The following ZNF722 variants were observed in gnomAD, a reference collection of about 807,000 sequenced individuals.
ZNF722 encodes zinc finger protein 722, also known as zinc finger protein 479 pseudogene.
the ZNF722 span, among the ~76,000 whole-genome samples, chr7:64,013,356 T>G: frequency 6.6e-6 from 1 of 152,104 alleles, no homozygotes; most frequent in African/African-American, 2.4e-5. Flanking sequence ...AGTTATAGAT[T>G]CCTAGTAAAT....
chr7:63,999,241 C>T, the ZNF722 span, among the ~76,000 whole-genome samples: 1 of 152,164 alleles, frequency 6.6e-6, no homozygotes, highest in Middle Eastern at 3.2e-3. Context: ...CTGGAGGCCT[C>T]TCTGGGCAGC....
chr7:64,009,571 C>G, the ZNF722 span, among the ~76,000 whole-genome samples: 2 of 152,144 alleles, frequency 1.3e-5, no homozygotes, highest in African/African-American at 4.8e-5. Flanking sequence ...TTGAACCAGC[C>G]TTGCATCCCA....
the ZNF722 span, among the ~76,000 whole-genome samples, chr7:64,008,485 A>G: frequency 6.6e-6 from 1 of 152,170 alleles, no homozygotes; most frequent in Non-Finnish European, 1.5e-5. Flanking sequence ...TCCCAGCACC[A>G]TTTATTGAAT....
the ZNF722 span, chr7:64,006,076 T>C: frequency 1.9e-6 from 1 of 528,426 alleles, no homozygotes; most frequent in South Asian, 4.6e-5. Flanking sequence ...AAATTTAAAA[T>C]ATTTTCTAAA....
chr7:64,016,674 A>G, the ZNF722 span, among the ~76,000 whole-genome samples: 2 of 152,160 alleles, frequency 1.3e-5, no homozygotes, highest in East Asian at 3.9e-4. Context: ...TTGATATTGG[A>G]GAGAACCCCT....
At chr7:64,010,697 G>A in the ZNF722 span, among the ~76,000 whole-genome samples, 2 of 152,154 alleles carry the variant, frequency 1.3e-5, no homozygotes, top group Admixed American at 1.3e-4. Context: ...GTGTGATGTG[G>A]TACTGAGAAG....
chr7:64,016,857 T>G, the ZNF722 span, among the ~76,000 whole-genome samples: 28 of 152,324 alleles, frequency 1.8e-4, no homozygotes, highest in African/African-American at 6.3e-4. Context: ...TAGAAATGTG[T>G]TAAATGTGGC....
the ZNF722 span, among the ~76,000 whole-genome samples, chr7:64,005,426 T>C: frequency 9.2e-4 from 13 of 14,068 alleles, no homozygotes; most frequent in Non-Finnish European, 3.4e-3. Context: ...CTATTCTCTT[T>C]TCTTAGAGTT....
the ZNF722 span, among the ~76,000 whole-genome samples, chr7:64,014,588 G>A: frequency 6.6e-6 from 1 of 152,076 alleles, no homozygotes; most frequent in Non-Finnish European, 1.5e-5. Context: ...TCAGTTAAAA[G>A]ACTTCTTCAT....
chr7:64,004,265 C>T, the ZNF722 span, among the ~76,000 whole-genome samples: 1 of 149,850 alleles, frequency 6.7e-6, no homozygotes, highest in African/African-American at 2.5e-5. Flanking sequence ...CAAAAATTAG[C>T]CAGGTGTGGT....
the ZNF722 span, chr7:64,005,677 T>C: frequency 1.3e-6 from 2 of 1,527,070 alleles, no homozygotes; most frequent in African/African-American, 1.4e-5. Context: ...GCCTGGATTG[T>C]GCTCAGCAGA....
chr7:64,004,425 A>AATATATAT, the ZNF722 span, among the ~76,000 whole-genome samples: 658 of 60,988 alleles, frequency 0.011, 21 homozygotes, highest in Non-Finnish European at 0.015. Flanking sequence ...AAAAAAAAAA[A>AATATATAT]ATATATATAT....
chr7:63,999,967 A>G, the ZNF722 span, among the ~76,000 whole-genome samples: 1 of 152,092 alleles, frequency 6.6e-6, no homozygotes, highest in Admixed American at 6.6e-5. Flanking sequence ...AAGCATTTGC[A>G]TTACAGGCGT....
At chr7:64,012,662 G>C in the ZNF722 span, among the ~76,000 whole-genome samples, 2 of 152,092 alleles carry the variant, frequency 1.3e-5, no homozygotes, top group African/African-American at 2.4e-5. Flanking sequence ...AATGTGCCAG[G>C]TGCAAATAAG....
chr7:64,001,505 T>C, the ZNF722 span, among the ~76,000 whole-genome samples: 1 of 152,224 alleles, frequency 6.6e-6, no homozygotes, highest in African/African-American at 2.4e-5. Context: ...TGAAGACATA[T>C]AGGTTTATTT....
chr7:64,000,168 T>C, the ZNF722 span, among the ~76,000 whole-genome samples: 1 of 151,076 alleles, frequency 6.6e-6, no homozygotes, highest in African/African-American at 2.4e-5. Flanking sequence ...TTCGCTCTTA[T>C]TACCCAGGCT....
At chr7:64,008,431 G>A in the ZNF722 span, among the ~76,000 whole-genome samples, 3 of 152,306 alleles carry the variant, frequency 2.0e-5, no homozygotes, top group Admixed American at 6.5e-5. Flanking sequence ...TAAGGTATAA[G>A]GAAGGAATCC....
chr7:64,000,394 G>T, the ZNF722 span, among the ~76,000 whole-genome samples: 2 of 134,198 alleles, frequency 1.5e-5, no homozygotes, highest in Middle Eastern at 5.3e-3. Context: ...TTCCCAAAGT[G>T]CTGGGATTAC....
At chr7:64,016,838 G>A in the ZNF722 span, among the ~76,000 whole-genome samples, 1 of 152,136 alleles carries the variant, frequency 6.6e-6, no homozygotes, top group African/African-American at 2.4e-5. Context: ...AATCATACTG[G>A]TGAGAAACTA....
Sources: allele counts gnomAD v4.1 joint callset (sites outside exome capture counted in the v4.1 genomes callset), GRCh38; gene constraint gnomAD v4.1.1; transcripts MANE v1.5; gene names NCBI Gene and HGNC (gene_info 2026-07-23, HGNC 2026-07-21).